Variants in LARP1 observed in about 807,000 individuals in gnomAD.
LARP1 encodes La ribonucleoprotein 1, translational regulator, also known as la-related protein 1.
In LARP1, 36 loss-of-function variants were observed where a neutral mutation model predicts 122.7. The ratio of observed to expected loss-of-function variants is 0.29; its 90% CI spans 0.22 to 0.39. The LOEUF (loss-of-function observed/expected upper bound fraction) is 0.39, where lower values mean the gene tolerates loss of function less well. LARP1 is among the 10% of genes least tolerant of loss of function. LARP1 has a pLI of 1.00. For synonymous variants in LARP1, 539 were observed against 528.7 expected (o/e 1.02, Z -0.27); for missense variants, 1,040 against 1,403.6 (o/e 0.74, Z 4.14).
chr5:154,743,458 G>A (rs563621211), intron 1 of LARP1, among the ~76,000 whole-genome samples: 201 of 151,318 alleles, frequency 1.3e-3, no homozygotes, highest in African/African-American at 4.8e-3. Flanking sequence ...ACAGGTGCCC[G>A]CCACCATGCC....
intron 1 of LARP1, among the ~76,000 whole-genome samples, chr5:154,760,067 G>A (rs746511460): frequency 6.6e-6 from 1 of 152,138 alleles, no homozygotes; most frequent in Non-Finnish European, 1.5e-5. Flanking sequence ...AGCCTTGAGA[G>A]TAGCTGGGAT....
chr5:154,794,064 A>G, intron 6 of LARP1, 36 bp from the exon 7 acceptor site: 1 of 1,612,088 alleles, frequency 6.2e-7, no homozygotes, highest in Non-Finnish European at 8.5e-7. Flanking sequence ...GTGGGCAGGA[A>G]TCTCCTCTCC....
chr5:154,783,928 G>C (rs1266144858), intron 1 of LARP1, among the ~76,000 whole-genome samples: 2 of 152,190 alleles, frequency 1.3e-5, no homozygotes, highest in African/African-American at 4.8e-5. Context: ...GGTAGGTAAT[G>C]CTCCCAAGGG....
At chr5:154,695,391 C>T (rs1754422019) in intron 1 of LARP1, among the ~76,000 whole-genome samples, 1 of 151,908 alleles carries the variant, frequency 6.6e-6, no homozygotes, top group Admixed American at 6.6e-5. Context: ...CACAATATGG[C>T]TTATGCATGT....
chr5:154,805,171 G>T (rs73276785), intron 14 of LARP1: 3,895 of 328,308 alleles, frequency 0.012, 141 homozygotes, highest in African/African-American at 0.08. Context: ...GGAGAGTGAG[G>T]TACAGTTTAC....
upstream of LARP1, among the ~76,000 whole-genome samples, chr5:154,754,624 T>A (rs559605903): frequency 1.2e-4 from 18 of 152,228 alleles, no homozygotes; most frequent in Non-Finnish European, 2.6e-4. Context: ...CTTTAGTAAT[T>A]CCGTTCCCAC....
intron 1 of LARP1, chr5:154,718,809 G>C (rs961694547): frequency 7.9e-5 from 12 of 152,230 alleles, no homozygotes; most frequent in African/African-American, 2.9e-4. Context: ...CAGACTCTGA[G>C]ATCTCTCAAC....
At chr5:154,749,409 C>G (rs892727961) in intron 1 of LARP1, among the ~76,000 whole-genome samples, 5 of 152,152 alleles carry the variant, frequency 3.3e-5, no homozygotes, top group Admixed American at 1.3e-4. Flanking sequence ...CTTGACCACC[C>G]CTCTTCCTCT....
At chr5:154,688,019 C>T (rs1433219855) in intron 1 of LARP1, among the ~76,000 whole-genome samples, 1 of 152,160 alleles carries the variant, frequency 6.6e-6, no homozygotes, top group African/African-American at 2.4e-5. Flanking sequence ...TTCCCTGTGC[C>T]TCCCTTTCTG....
intron 1 of LARP1, among the ~76,000 whole-genome samples, chr5:154,764,595 CAAAAAAAA>C (rs1158921641): frequency 2.2e-5 from 1 of 44,888 alleles, no homozygotes; most frequent in African/African-American, 1.0e-4. Context: ...GACCATGTCT[CAAAAAAAA>C]AAAAAAAAAA....
At chr5:154,786,880 T>TC (rs796741119) in intron 1 of LARP1, among the ~76,000 whole-genome samples, 6 of 151,916 alleles carry the variant, frequency 3.9e-5, no homozygotes, top group African/African-American at 1.4e-4. Context: ...ATGATTGTTT[T>TC]CTTTTTTTTT....
chr5:154,704,145 G>T (rs886971456), intron 1 of LARP1, among the ~76,000 whole-genome samples: 2 of 152,140 alleles, frequency 1.3e-5, no homozygotes, highest in Non-Finnish European at 1.5e-5. Context: ...ATGAACACTG[G>T]CAACAAGCTG....
chr5:154,774,893 C>T (rs1393172719), intron 1 of LARP1, among the ~76,000 whole-genome samples: 1 of 152,134 alleles, frequency 6.6e-6, no homozygotes, highest in Non-Finnish European at 1.5e-5. Flanking sequence ...ATCACAGTGC[C>T]TGCATTAGGA....
chr5:154,743,899 C>T (rs1162573192), intron 1 of LARP1, among the ~76,000 whole-genome samples: 4 of 152,180 alleles, frequency 2.6e-5, no homozygotes, highest in South Asian at 2.1e-4. Flanking sequence ...GGATTACAAG[C>T]GTGGGCCACC....
upstream of LARP1, among the ~76,000 whole-genome samples, chr5:154,754,858 C>T (rs55767292): frequency 0.02 from 3,018 of 152,160 alleles, 38 homozygotes; most frequent in Non-Finnish European, 0.03. Context: ...GTCCTCGGGG[C>T]GGATGAGGGT....
At chr5:154,747,322 A>T (rs1308802940) in intron 1 of LARP1, among the ~76,000 whole-genome samples, 2 of 150,350 alleles carry the variant, frequency 1.3e-5, no homozygotes, top group Non-Finnish European at 3.0e-5. Flanking sequence ...AAAAAAAAAG[A>T]AAAAGAAAAA....
At chr5:154,779,371 G>A (rs886336585) in intron 1 of LARP1, among the ~76,000 whole-genome samples, 6 of 152,118 alleles carry the variant, frequency 3.9e-5, no homozygotes, top group African/African-American at 1.4e-4. Context: ...ATGGCTCTTG[G>A]TTAGTACATC....
intron 1 of LARP1, chr5:154,729,747 A>G: frequency 4.5e-6 from 1 of 219,858 alleles, no homozygotes; most frequent in Non-Finnish European, 8.9e-6. Context: ...ACAAACAAAG[A>G]AAAAACTTCA....
intron 1 of LARP1, among the ~76,000 whole-genome samples, chr5:154,767,121 C>G (rs1755016296): frequency 1.3e-5 from 2 of 152,068 alleles, no homozygotes; most frequent in South Asian, 4.1e-4. Flanking sequence ...TTGGGACAGT[C>G]AGTCACAGTT....
Sources: gnomAD v4.1 joint callset for allele counts (sites outside exome capture counted in the v4.1 genomes callset) on GRCh38, gnomAD v4.1.1 for gene constraint, MANE v1.5 for transcripts, NCBI Gene and HGNC (gene_info 2026-07-23, HGNC 2026-07-21) for gene names.